The following LMO1 variants were observed in gnomAD, a reference collection of about 807,000 sequenced individuals.
LMO1 encodes LIM domain only 1, also known as rhombotin-1.
Under a neutral mutation model 18.0 loss-of-function variants are expected in LMO1, and 10 were observed. That is an observed-to-expected ratio of 0.55 (90% CI 0.34 to 0.94). The LOEUF is 0.94. Among genes scored for constraint, LMO1 ranks in the 40% least tolerant of loss-of-function variants. LMO1 has a pLI of 0.02. For synonymous variants in LMO1, 77 were observed against 77.9 expected (o/e 0.99, Z 0.06); for missense variants, 183 against 205.7 (o/e 0.89, Z 0.68).
Position 8,263,799 on chromosome 11 carries a change from T to A in LMO1, c.-437A>T, listed in dbSNP as rs941219747. 5 of 1,067,576 alleles carry A rather than the reference T, an allele frequency of 4.7e-6. No individual in the cohort carries two copies. The highest frequency in any genetic ancestry group is 5.7e-6 in the Non-Finnish European group (5 of 881,642). The allele number at this position is 1,067,576 out of a possible 1,614,324, so 66.1% of individuals were successfully genotyped here. On this transcript the variant is annotated 5_prime_UTR_variant, in exon 1 of 4. Coordinates refer to ENST00000335790, the MANE Select transcript of LMO1 (RefSeq NM_002315.3). Reference sequence around the variant, plus strand: ...AAGTGTTTTCCCCTCGGATTTAATCTGAATCTCAATCTAAAATTATATTCA... The same window carrying A: ...AAGTGTTTTCCCCTCGGATTTAATCAGAATCTCAATCTAAAATTATATTCA...
intron 1 of LMO1, among the ~76,000 whole-genome samples, chr11:8,260,503 T>C (rs959954363): frequency 7.2e-5 from 11 of 152,066 alleles, no homozygotes; most frequent in Non-Finnish European, 1.5e-4. Context: ...AACAGATCTT[T>C]CCGTCTCTGT....
intron 1 of LMO1, among the ~76,000 whole-genome samples, chr11:8,254,750 G>A (rs1847061702): frequency 6.6e-6 from 1 of 152,172 alleles, no homozygotes; most frequent in Non-Finnish European, 1.5e-5. Flanking sequence ...TGAACTCTGA[G>A]TGTCTTTCTC....
At chr11:8,234,746 C>T (rs994007130) in intron 1 of LMO1, among the ~76,000 whole-genome samples, 6 of 152,194 alleles carry the variant, frequency 3.9e-5, no homozygotes, top group Non-Finnish European at 4.4e-5. Flanking sequence ...GCTCTGCCCC[C>T]TGCAGGATCC....
At chr11:8,235,126 T>C (rs1952739836) in intron 1 of LMO1, among the ~76,000 whole-genome samples, 1 of 140,500 alleles carries the variant, frequency 7.1e-6, no homozygotes, top group African/African-American at 2.7e-5. Context: ...GAACAGGAAC[T>C]GATAGTATTA....
chr11:8,246,700 A>C (rs895315415), intron 1 of LMO1, among the ~76,000 whole-genome samples: 1 of 152,258 alleles, frequency 6.6e-6, no homozygotes, highest in African/African-American at 2.4e-5. Context: ...ATAAATCAAT[A>C]AAGCTATTAT....
chr11:8,264,822 G>A (rs1457761559), upstream of LMO1, among the ~76,000 whole-genome samples: 1 of 152,042 alleles, frequency 6.6e-6, no homozygotes, highest in Admixed American at 6.6e-5. Flanking sequence ...TAGTAGAGAC[G>A]GGGTTTTACC....
chr11:8,247,698 G>A (rs1280705030), intron 1 of LMO1, among the ~76,000 whole-genome samples: 1 of 152,236 alleles, frequency 6.6e-6, no homozygotes, highest in African/African-American at 2.4e-5. Context: ...GAAGCAAGTG[G>A]ACACATGCTC....
chr11:8,227,728 G>A (rs1952573494), intron 2 of LMO1, among the ~76,000 whole-genome samples: 1 of 152,222 alleles, frequency 6.6e-6, no homozygotes, highest in South Asian at 2.1e-4. Flanking sequence ...TTTAAAATAT[G>A]AGTCACAGAG....
chr11:8,253,588 C>A (rs559421407), intron 1 of LMO1, among the ~76,000 whole-genome samples: 18 of 152,154 alleles, frequency 1.2e-4, no homozygotes, highest in Admixed American at 4.6e-4. Context: ...CCGCAGGTAG[C>A]CCCACACAGT....
chr11:8,239,121 G>C (rs1952810582), intron 1 of LMO1, among the ~76,000 whole-genome samples: 1 of 152,238 alleles, frequency 6.6e-6, no homozygotes, highest in Non-Finnish European at 1.5e-5. Flanking sequence ...CTGCAGGGCA[G>C]AGATTGGAAT....
chr11:8,252,710 C>G (rs912942679), intron 1 of LMO1, among the ~76,000 whole-genome samples: 1 of 152,224 alleles, frequency 6.6e-6, no homozygotes, highest in South Asian at 2.1e-4. Flanking sequence ...CGTGAGGAAC[C>G]GCATTCTGCC....
intron 1 of LMO1, among the ~76,000 whole-genome samples, chr11:8,246,699 T>TA (rs1390001992): frequency 6.6e-6 from 1 of 152,102 alleles, no homozygotes; most frequent in Non-Finnish European, 1.5e-5. Context: ...GATAAATCAA[T>TA]AAAGCTATTA....
intron 1 of LMO1, among the ~76,000 whole-genome samples, chr11:8,256,540 A>G (rs543916049): frequency 6.6e-6 from 1 of 152,304 alleles, no homozygotes; most frequent in Admixed American, 6.5e-5. Flanking sequence ...ACCTGGACCA[A>G]TCTGCTCACT....
chr11:8,256,529 G>C (rs117125552), intron 1 of LMO1, among the ~76,000 whole-genome samples: 1 of 152,202 alleles, frequency 6.6e-6, no homozygotes, highest in Non-Finnish European at 1.5e-5. Flanking sequence ...CTGCCTCTGC[G>C]ACCTGGACCA....
chr11:8,250,460 C>T (rs450406), intron 1 of LMO1, among the ~76,000 whole-genome samples: 151,449 of 152,388 alleles, frequency 0.99, 75,269 homozygotes, highest in East Asian at 1. Flanking sequence ...ATAAACACTC[C>T]GAGGATCAAA....
chr11:8,224,490 G>A lies in LMO1; in HGVS notation c.*126C>T, dbSNP rs369769072. ...AAGGGCCATCCCTCCCATCGAGGAC[G>A]GAGAAGTTCTAATGTGGCAGGAGAG... On this transcript the variant is annotated 3_prime_UTR_variant, in exon 4 of 4. Transcript: ENST00000335790. 24 of 641,762 alleles carry A rather than the reference G, an allele frequency of 3.7e-5. No individual in the cohort carries two copies. Among genetic ancestry groups the A allele is most frequent in the East Asian group, 8.2e-5 (3 of 36,536 alleles). The allele number at this position is 641,762 out of a possible 1,614,324, so 39.8% of individuals were successfully genotyped here. A position where few individuals can be genotyped will look rare whatever the true frequency, so the allele number is the denominator to read the frequency against.
At chr11:8,246,029 A>G (rs1435906534) in intron 1 of LMO1, among the ~76,000 whole-genome samples, 1 of 152,188 alleles carries the variant, frequency 6.6e-6, no homozygotes, top group African/African-American at 2.4e-5. Context: ...GAACTCACTC[A>G]TCACCAAGCG....
In LMO1 at chr11:8,234,434, C is replaced by A. The variant is rs74861636; in HGVS notation, c.26-3930G>T. On this transcript the variant is annotated intron_variant, in intron 1 of 3. Coordinates refer to ENST00000335790, the MANE Select transcript of LMO1 (RefSeq NM_002315.3). ...GACCCAAGTCCCCAGCAACTCCTGCCCACCTGTCCCAGCCCAGCTGCCCCT... is the reference window on the plus strand; with the variant it reads ...GACCCAAGTCCCCAGCAACTCCTGCACACCTGTCCCAGCCCAGCTGCCCCT... Among the ~76,000 whole-genome samples the A allele has an allele frequency of 4.6e-3, 703 of 152,248 alleles. 2 individuals carry two copies. Among genetic ancestry groups the A allele is most frequent in the African/African-American group, 0.016 (683 of 41,538 alleles).
intron 1 of LMO1, among the ~76,000 whole-genome samples, chr11:8,252,197 T>C (rs1320025574): frequency 6.6e-6 from 1 of 152,140 alleles, no homozygotes; most frequent in Non-Finnish European, 1.5e-5. Flanking sequence ...CAGCCAAGTG[T>C]CTTTTCCTCT....
Sources: allele counts gnomAD v4.1 joint callset (sites outside exome capture counted in the v4.1 genomes callset), GRCh38; gene constraint gnomAD v4.1.1; transcripts MANE v1.5; gene names NCBI Gene and HGNC (gene_info 2026-07-23, HGNC 2026-07-21).